SH3PXD2A: variants seen among roughly 807,000 people sequenced by gnomAD.
SH3PXD2A encodes SH3 and PX domain-containing protein 2A.
A neutral mutation model predicts 115.2 loss-of-function variants in SH3PXD2A; 32 were observed. The ratio of observed to expected loss-of-function variants is 0.28; its 90% CI spans 0.21 to 0.37. The LOEUF is 0.37. Ranked by LOEUF, SH3PXD2A falls within the 10% of genes least tolerant of loss-of-function variation. The probability of loss-of-function intolerance (pLI) is 1.00; values close to 1 mark genes in which losing one functional copy is unlikely to be tolerated. For synonymous variants in SH3PXD2A, 610 were observed against 629.1 expected (o/e 0.97, Z 0.45); for missense variants, 1,328 against 1,498.7 (o/e 0.89, Z 1.88).
At chr10:103,776,249 T>G (rs1027743102) in intron 2 of SH3PXD2A, among the ~76,000 whole-genome samples, 8 of 151,998 alleles carry the variant, frequency 5.3e-5, no homozygotes, top group African/African-American at 1.9e-4. Flanking sequence ...AAAAATTAGC[T>G]GGGTGTGGTG....
At chr10:103,810,375 G>A (rs1322231399) in intron 1 of SH3PXD2A, among the ~76,000 whole-genome samples, 1 of 152,216 alleles carries the variant, frequency 6.6e-6, no homozygotes, top group Non-Finnish European at 1.5e-5. Context: ...CAGGGGCAGT[G>A]GGACGCACAC....
At chr10:103,702,596 C>CGTGTGTGTGCGTGTGT (rs1554913267) in intron 5 of SH3PXD2A, among the ~76,000 whole-genome samples, 2 of 147,448 alleles carry the variant, frequency 1.4e-5, no homozygotes, top group African/African-American at 2.5e-5. Context: ...TGTGTGTGTG[C>CGTGTGTGTGCGTGTGT]GTGTGTGTGT....
chr10:103,618,026 A>T (rs1245634599), intron 10 of SH3PXD2A, among the ~76,000 whole-genome samples: 1 of 152,244 alleles, frequency 6.6e-6, no homozygotes, highest in African/African-American at 2.4e-5. Flanking sequence ...ATCAGGCAGC[A>T]CTGGCCCAAG....
At chr10:103,717,542 A>G (rs1387525270) in intron 5 of SH3PXD2A, among the ~76,000 whole-genome samples, 1 of 152,228 alleles carries the variant, frequency 6.6e-6, no homozygotes, top group African/African-American at 2.4e-5. Context: ...GGGCGTGGCC[A>G]CTGGGCCAGG....
rs554984320 is a variant in SH3PXD2A at position 103,778,434 on chromosome 10, C to G, written c.154-11265G>C. On this transcript the variant is annotated intron_variant, in intron 2 of 14. Coordinates refer to ENST00000369774, the MANE Select transcript of SH3PXD2A (RefSeq NM_001394015.1). The stretch of plus-strand genomic sequence containing the variant: ...AGGCACCTCCCTTGGCACTGTTTTA[C>G]CATTATTAGTGTTCTAGTCAGTAGT... 3.3e-5 allele frequency among the ~76,000 whole-genome samples: 5 copies of G among 152,334 alleles called. No homozygotes were observed. In the South Asian group the frequency reaches 1.0e-3, roughly 32 times the overall value.
At chr10:103,736,884 C>A (rs2038387043) in intron 3 of SH3PXD2A, 3 of 764,196 alleles carry the variant, frequency 3.9e-6, no homozygotes, top group Non-Finnish European at 5.9e-6. Context: ...CTAGCCACAC[C>A]CCCTAGCAAC....
intron 4 of SH3PXD2A, among the ~76,000 whole-genome samples, 173 bp downstream of exon 4, chr10:103,735,559 G>T (rs2038369824): frequency 6.6e-6 from 1 of 152,188 alleles, no homozygotes; most frequent in South Asian, 2.1e-4. Flanking sequence ...GGTCCCAGAG[G>T]GTGGCCCAGC....
At chr10:103,729,200 GTAAGTAGCAAAA>G (rs1156419434) in intron 4 of SH3PXD2A, among the ~76,000 whole-genome samples, 2 of 152,152 alleles carry the variant, frequency 1.3e-5, no homozygotes, top group East Asian at 3.9e-4. Flanking sequence ...GCGTCCGGCT[GTAAGTAGCAAAA>G]TTTTGAATCA....
chr10:103,707,043 C>T (rs117870682), intron 5 of SH3PXD2A, among the ~76,000 whole-genome samples: 645 of 152,266 alleles, frequency 4.2e-3, no homozygotes, highest in Middle Eastern at 0.014. Flanking sequence ...TATTGCCTCA[C>T]GTGTGTCTCT....
intron 1 of SH3PXD2A, among the ~76,000 whole-genome samples, chr10:103,848,082 C>T (rs1166119717): frequency 1.3e-5 from 2 of 152,164 alleles, no homozygotes; most frequent in African/African-American, 4.8e-5. Context: ...CGAGGATGGG[C>T]GCATTCTCGC....
intron 2 of SH3PXD2A, among the ~76,000 whole-genome samples, chr10:103,795,016 C>A (rs1435174137): frequency 6.6e-6 from 1 of 152,090 alleles, no homozygotes; most frequent in East Asian, 1.9e-4. Context: ...GTAGGGTGGC[C>A]AGAAAGCCAG....
intron 1 of SH3PXD2A, among the ~76,000 whole-genome samples, chr10:103,811,260 C>A (rs1250567298): frequency 6.6e-6 from 1 of 152,150 alleles, no homozygotes; most frequent in East Asian, 1.9e-4. Context: ...GTCCTTACAG[C>A]CCCCAGAACG....
intron 1 of SH3PXD2A, among the ~76,000 whole-genome samples, chr10:103,819,697 G>A (rs762031): frequency 0.55 from 84,019 of 151,804 alleles, 24,745 homozygotes; most frequent in East Asian, 0.69. Context: ...AGATCTAAGG[G>A]CTGAAGGAGG....
In SH3PXD2A at chr10:103,745,140, C is replaced by A. The variant is rs55908597; in HGVS notation, c.230-9332G>T. 9.4e-3 allele frequency among the ~76,000 whole-genome samples: 1,435 copies of A among 152,336 alleles called. 10 individuals carry two copies. Among genetic ancestry groups the A allele is most frequent in the Non-Finnish European group, 0.013 (881 of 68,032 alleles). ...CTGCTAACTCATAAATGCCAAGCCC[C>A]AAGCTGCTAGGAAGCATCTTTATGT... On this transcript the variant is annotated intron_variant, in intron 3 of 14. Transcript: ENST00000369774.
chr10:103,840,349 G>A (rs1033154422), intron 1 of SH3PXD2A, among the ~76,000 whole-genome samples: 2 of 152,110 alleles, frequency 1.3e-5, no homozygotes, highest in Admixed American at 1.3e-4. Context: ...AGACCCATGT[G>A]CTGCACTTGT....
At chr10:103,616,492 G>A (rs1303280534) in intron 11 of SH3PXD2A, among the ~76,000 whole-genome samples, 1 of 152,192 alleles carries the variant, frequency 6.6e-6, no homozygotes, top group Non-Finnish European at 1.5e-5. Context: ...TGAAACCCAC[G>A]GGATTGTTTG....
intron 7 of SH3PXD2A, among the ~76,000 whole-genome samples, chr10:103,662,235 C>T (rs1390359306): frequency 1.3e-5 from 2 of 149,356 alleles, no homozygotes; most frequent in Non-Finnish European, 3.0e-5. Flanking sequence ...AAGCAGGCAC[C>T]AGGCAGGAAG....
In SH3PXD2A at chr10:103,666,676, T is replaced by C. The variant is rs775091349; in HGVS notation, c.472+1932A>G. On this transcript the variant is annotated intron_variant, in intron 7 of 14. Coordinates refer to ENST00000369774, the MANE Select transcript of SH3PXD2A (RefSeq NM_001394015.1). The surrounding 1 kb of genome is among the most constrained non-coding windows in gnomAD (Gnocchi z 4.5). ...ACCTCTCTTGAGCTTTAGTGTCATCTGGAAACAGGAACAATAGCAGTTCCT... is the reference window on the plus strand; with the variant it reads ...ACCTCTCTTGAGCTTTAGTGTCATCCGGAAACAGGAACAATAGCAGTTCCT... Among the ~76,000 whole-genome samples, 1 of 152,252 alleles carries C rather than the reference T, an allele frequency of 6.6e-6. No homozygotes were observed. The highest frequency in any genetic ancestry group is 1.5e-5 in the Non-Finnish European group (1 of 68,048).
intron 6 of SH3PXD2A, among the ~76,000 whole-genome samples, chr10:103,692,438 C>T (rs537765067): frequency 6.2e-4 from 94 of 152,316 alleles, no homozygotes; most frequent in South Asian, 5.0e-3. Context: ...TGCGTCTCAG[C>T]TGCCAAAACG....
Sources: gnomAD v4.1 joint callset for allele counts (sites outside exome capture counted in the v4.1 genomes callset) on GRCh38, gnomAD v4.1.1 for gene constraint, Gnocchi (gnomAD v3.1) non-coding constraint, MANE v1.5 for transcripts, NCBI Gene and HGNC (gene_info 2026-07-23, HGNC 2026-07-21) for gene names.